CSTPP1: variants seen among roughly 807,000 people sequenced by gnomAD.
The protein encoded by CSTPP1 is UPF0705 protein C11orf49.
the CSTPP1 span, among the ~76,000 whole-genome samples, chr11:47,065,890 C>T: frequency 6.6e-6 from 1 of 151,698 alleles, no homozygotes; most frequent in African/African-American, 2.4e-5. Context: ...ATTACAGGGA[C>T]ATGCCACCAC....
chr11:46,982,713 G>A, the CSTPP1 span, among the ~76,000 whole-genome samples: 1 of 152,098 alleles, frequency 6.6e-6, no homozygotes. Context: ...ATATGATGAT[G>A]TATATTTTTA....
chr11:47,052,198 T>A, the CSTPP1 span: 5 of 565,510 alleles, frequency 8.8e-6, no homozygotes, highest in African/African-American at 9.8e-5. Flanking sequence ...CTCCAAGAGT[T>A]TTCGGAAAGG....
chr11:47,013,155 A>C, the CSTPP1 span, among the ~76,000 whole-genome samples: 1 of 148,084 alleles, frequency 6.8e-6, no homozygotes, highest in Admixed American at 6.8e-5. Flanking sequence ...ATGTAGTTAT[A>C]TATAAATGGT....
the CSTPP1 span, among the ~76,000 whole-genome samples, chr11:46,967,567 C>T: frequency 6.6e-6 from 1 of 151,916 alleles, no homozygotes; most frequent in African/African-American, 2.4e-5. Context: ...TGATCTTGGG[C>T]AGGTTACTTG....
chr11:47,092,433 T>G, the CSTPP1 span, among the ~76,000 whole-genome samples: 2 of 152,196 alleles, frequency 1.3e-5, no homozygotes, highest in Non-Finnish European at 2.9e-5. Flanking sequence ...CCACTCTTTA[T>G]TTGGAGATTT....
chr11:47,071,974 C>G, the CSTPP1 span, among the ~76,000 whole-genome samples: 1 of 152,230 alleles, frequency 6.6e-6, no homozygotes, highest in African/African-American at 2.4e-5. Flanking sequence ...AGAAATCCCC[C>G]ACTCTGTGGG....
At chr11:47,077,391 G>A in the CSTPP1 span, among the ~76,000 whole-genome samples, 2 of 151,926 alleles carry the variant, frequency 1.3e-5, no homozygotes, top group African/African-American at 4.8e-5. Context: ...AGTAGAGACG[G>A]GTTTCACCTT....
the CSTPP1 span, chr11:47,137,255 C>T: frequency 4.6e-6 from 6 of 1,294,686 alleles, no homozygotes; most frequent in Admixed American, 2.3e-5. Flanking sequence ...TGGTGGGAAA[C>T]GTTACCATGC....
chr11:47,029,804 GAAA>G, the CSTPP1 span, among the ~76,000 whole-genome samples: 2 of 138,934 alleles, frequency 1.4e-5, no homozygotes. Context: ...AGGATTCCTT[GAAA>G]AAAAAAAAGG....
chr11:47,024,363 ATCT>A, the CSTPP1 span, among the ~76,000 whole-genome samples: 2 of 151,242 alleles, frequency 1.3e-5, no homozygotes, highest in African/African-American at 4.9e-5. Context: ...ACTTCACCCA[ATCT>A]TCTCTCTCTC....
the CSTPP1 span, among the ~76,000 whole-genome samples, chr11:47,067,716 G>A: frequency 6.6e-6 from 1 of 152,208 alleles, no homozygotes; most frequent in Non-Finnish European, 1.5e-5. Flanking sequence ...CCAGTCCCCA[G>A]AACTGTGAGA....
chr11:47,091,046 C>CAA, the CSTPP1 span, among the ~76,000 whole-genome samples: 11 of 83,654 alleles, frequency 1.3e-4, no homozygotes, highest in African/African-American at 4.3e-4. Context: ...GACTCCATCT[C>CAA]AAAAAAAAAA....
the CSTPP1 span, among the ~76,000 whole-genome samples, chr11:47,015,331 A>C: frequency 1.3e-5 from 2 of 151,736 alleles, no homozygotes; most frequent in African/African-American, 4.8e-5. Context: ...AAAATTAGCC[A>C]GGCATGGTGG....
At chr11:46,940,315 C>T in the CSTPP1 span, among the ~76,000 whole-genome samples, 2 of 152,198 alleles carry the variant, frequency 1.3e-5, no homozygotes, top group Admixed American at 6.5e-5. Context: ...ACTAAGAATG[C>T]TGCAATGAAT....
At chr11:47,140,416 T>TTTTG in the CSTPP1 span, among the ~76,000 whole-genome samples, 371 of 152,158 alleles carry the variant, frequency 2.4e-3, 1 homozygote, top group African/African-American at 8.1e-3. Flanking sequence ...TTAAAAACAT[T>TTTTG]TTTGTTTGTT....
At chr11:47,157,138 C>T in the CSTPP1 span, 37 of 1,613,632 alleles carry the variant, frequency 2.3e-5, no homozygotes, top group Non-Finnish European at 2.9e-5. Flanking sequence ...CTGCCTTGGG[C>T]GGGGCCGGCA....
At chr11:47,157,051 T>C in the CSTPP1 span, 4 of 1,614,090 alleles carry the variant, frequency 2.5e-6, no homozygotes, top group Non-Finnish European at 8.5e-7. Flanking sequence ...CTGCCATCTA[T>C]GAGGACCTGC....
At chr11:47,091,014 G>C in the CSTPP1 span, among the ~76,000 whole-genome samples, 6 of 144,242 alleles carry the variant, frequency 4.2e-5, no homozygotes, top group Non-Finnish European at 9.0e-5. Flanking sequence ...ACTCCAGCCC[G>C]GGCAACAGAG....
the CSTPP1 span, chr11:47,137,263 T>C: frequency 7.7e-7 from 1 of 1,301,338 alleles, no homozygotes; most frequent in Non-Finnish European, 1.0e-6. Flanking sequence ...AACGTTACCA[T>C]GCCAGAGAAT....
Sources: allele counts gnomAD v4.1 joint callset (sites outside exome capture counted in the v4.1 genomes callset), GRCh38; gene constraint gnomAD v4.1.1; transcripts MANE v1.5; gene names NCBI Gene and HGNC (gene_info 2026-07-23, HGNC 2026-07-21).